Variants in TDRD9 observed in about 807,000 individuals in gnomAD.
The protein encoded by TDRD9 is tudor domain containing 9.
In TDRD9, 124 loss-of-function variants were observed where a neutral mutation model predicts 172.6. That is an observed-to-expected ratio of 0.72 (90% confidence interval 0.62 to 0.83). The LOEUF (loss-of-function observed/expected upper bound fraction) is 0.83. Among genes scored for constraint, TDRD9 ranks in the 40% least tolerant of loss-of-function variants. TDRD9 has a pLI of 0.00. For missense variants in TDRD9, 1,479 were observed against 1,714.1 expected (o/e 0.86, Z 2.42); for synonymous variants, 619 against 617.1 (o/e 1.00, Z -0.05).
rs528228424 is a variant in TDRD9 at position 103,975,981 on chromosome 14, G to T, written c.1011+428G>T. 2.6e-5 allele frequency among the ~76,000 whole-genome samples: 4 copies of T among 152,244 alleles called. 1 individual carries two copies. The South Asian group carries it at 8.3e-4, about 32-fold the overall frequency. ...TCATCTCTCTTTAAAAAGGACACTA[G>T]AAGTTATTTCTTATCTAGCTATAAT... On this transcript the variant is annotated intron_variant, in intron 7 of 35. Coordinates refer to ENST00000409874, the MANE Select transcript of TDRD9 (RefSeq NM_153046.3).
chr14:103,970,687 C>A, intron 6 of TDRD9, 66 bp downstream of exon 6: 1 of 1,311,436 alleles, frequency 7.6e-7, no homozygotes, highest in Non-Finnish European at 1.1e-6. Context: ...TTTTGTTTCT[C>A]TCTATAGTCT....
chr14:103,942,645 T>C (rs2031308399), intron 1 of TDRD9, among the ~76,000 whole-genome samples: 1 of 152,218 alleles, frequency 6.6e-6, no homozygotes, highest in South Asian at 2.1e-4. Context: ...AGCTTAACTT[T>C]CAGGCCATTT....
At chr14:103,943,641 G>A (rs992668362) in intron 1 of TDRD9, among the ~76,000 whole-genome samples, 5 of 151,728 alleles carry the variant, frequency 3.3e-5, no homozygotes, top group Admixed American at 2.0e-4. Context: ...GAGCCACTGC[G>A]CTGGCCTGTG....
At chr14:104,004,647 A>G (rs1221269432) in intron 14 of TDRD9, among the ~76,000 whole-genome samples, 1 of 151,990 alleles carries the variant, frequency 6.6e-6, no homozygotes, top group Non-Finnish European at 1.5e-5. Context: ...CAAAGTGTCA[A>G]AGTTAATTTT....
rs760430595 is a variant in TDRD9, at chr14:104,025,802, G to T, written c.2931+26G>T. 3.2e-6 allele frequency: 5 copies of T among 1,555,310 alleles called. No individual in the cohort carries two copies. In the South Asian group the frequency reaches 5.6e-5, roughly 17 times the overall value. ...GTAGGTTTTTCTGTAACAAGTCACTGGAAGGGAAATGAGACAGACAGACGT... is the reference window on the plus strand; with the variant it reads ...GTAGGTTTTTCTGTAACAAGTCACTTGAAGGGAAATGAGACAGACAGACGT... On this transcript the variant is annotated intron_variant, in intron 26 of 35. Transcript: ENST00000409874.
At chr14:103,983,943 T>C (rs982272775) in intron 7 of TDRD9, among the ~76,000 whole-genome samples, 3 of 152,146 alleles carry the variant, frequency 2.0e-5, no homozygotes, top group Non-Finnish European at 4.4e-5. Context: ...GAGGAACTTG[T>C]TGGGGACTGG....
At position 104,018,024 on chromosome 14, in the gene TDRD9, G is replaced by A. The variant is rs1307479001; in HGVS notation, c.2332-68G>A. On this transcript the variant is annotated intron_variant, in intron 22 of 35. Coordinates refer to ENST00000409874, the MANE Select transcript of TDRD9 (RefSeq NM_153046.3). ...CTAAAACAGTGTGCAGCAGCTTTGAGCTTGTGAATGTTGAAACTATTTTGT... is the reference window on the plus strand; with the variant it reads ...CTAAAACAGTGTGCAGCAGCTTTGAACTTGTGAATGTTGAAACTATTTTGT... The A allele has an allele frequency of 8.8e-6, 8 of 909,326 alleles. No individual in the cohort carries two copies. The East Asian group carries it at 1.8e-4, about 21-fold the overall frequency. The allele number at this position is 909,326 out of a possible 1,614,324, so 56.3% of individuals were successfully genotyped here. A position where few individuals can be genotyped will look rare whatever the true frequency, so the allele number is the denominator to read the frequency against.
intron 23 of TDRD9, among the ~76,000 whole-genome samples, chr14:104,019,818 G>T (rs1483901210): frequency 6.6e-6 from 1 of 152,200 alleles, no homozygotes; most frequent in African/African-American, 2.4e-5. Context: ...ACATTTGCCT[G>T]CTGTGAGATG....
intron 23 of TDRD9, among the ~76,000 whole-genome samples, chr14:104,018,785 G>A (rs2034868262): frequency 6.6e-6 from 1 of 152,120 alleles, no homozygotes; most frequent in African/African-American, 2.4e-5. Context: ...ATTTTTTCCA[G>A]TGTTCTGTGA....
chr14:103,994,881 G>A (rs1566767713), intron 11 of TDRD9, among the ~76,000 whole-genome samples: 1 of 151,010 alleles, frequency 6.6e-6, no homozygotes, highest in Non-Finnish European at 1.5e-5. Flanking sequence ...TGCCTGGGAG[G>A]TGGAGGCTGC....
intron 1 of TDRD9, among the ~76,000 whole-genome samples, chr14:103,953,375 C>T (rs967676052): frequency 6.7e-6 from 1 of 150,196 alleles, no homozygotes; most frequent in Non-Finnish European, 1.5e-5. Flanking sequence ...AAATGTCAGG[C>T]AAACAGTAAC....
rs2034185928 is a variant in TDRD9, at chr14:103,999,642, G to GTCATTTAATCTTTTAATCTTCTT, written c.1483+914_1483+915insTCATTTAATCTTTTAATCTTCTT. ...GGCTTTTTTTTTTGTTTGTTTTTTA[G>GTCATTTAATCTTTTAATCTTCTT]AAAACCTTTTGGGAAGGGTAGATAA... On this transcript the variant is annotated intron_variant, in intron 13 of 35. Coordinates refer to ENST00000409874, the MANE Select transcript of TDRD9 (RefSeq NM_153046.3). Among the ~76,000 whole-genome samples the GTCATTTAATCTTTTAATCTTCTT allele has an allele frequency of 1.6e-5, 2 of 125,956 alleles. 1 individual carries two copies. Among genetic ancestry groups the GTCATTTAATCTTTTAATCTTCTT allele is most frequent in the African/African-American group, 6.2e-5 (2 of 32,356 alleles). The allele number at this position is 125,956 out of a possible 152,430, so 82.6% of individuals were successfully genotyped here.
At chr14:104,012,341 T>A (rs961453773) in intron 20 of TDRD9, among the ~76,000 whole-genome samples, 1 of 152,246 alleles carries the variant, frequency 6.6e-6, no homozygotes, top group African/African-American at 2.4e-5. Flanking sequence ...TTCTCTGGAA[T>A]GTGCATGGTC....
chr14:103,957,172 C>T (rs1284111329), intron 2 of TDRD9, among the ~76,000 whole-genome samples: 1 of 152,164 alleles, frequency 6.6e-6, no homozygotes, highest in Non-Finnish European at 1.5e-5. Flanking sequence ...CCCACTCTTT[C>T]ATTTAGTTTT....
chr14:104,052,490 C>CAAAAAAACCATGTTTTTTG lies in TDRD9; in HGVS notation c.*408_*409insAAAAAAACCATGTTTTTTG. ...TTTAAACCAGTAGTATAGGAAAAAA[C>CAAAAAAACCATGTTTTTTG]TTAAAAAAACAAAAAAACCATGTAG... On this transcript the variant is annotated 3_prime_UTR_variant, in exon 36 of 36. Transcript: ENST00000409874. 3.8e-4 allele frequency: 6 copies of CAAAAAAACCATGTTTTTTG among 15,870 alleles called. No individual in the cohort carries two copies. The Middle Eastern group carries it at 0.25, about 661-fold the overall frequency. The allele number at this position is 15,870 out of a possible 1,614,324, so 1.0% of individuals were successfully genotyped here. A position where few individuals can be genotyped will look rare whatever the true frequency, so the allele number is the denominator to read the frequency against.
chr14:104,013,598 T>A (rs549095046), intron 20 of TDRD9: 1 of 152,358 alleles, frequency 6.6e-6, no homozygotes, highest in Non-Finnish European at 1.5e-5. Flanking sequence ...ATATTGTTCA[T>A]CCTTAACATT....
chr14:103,995,276 A>G (rs924565778), intron 11 of TDRD9, among the ~76,000 whole-genome samples: 3 of 152,142 alleles, frequency 2.0e-5, no homozygotes, highest in Non-Finnish European at 4.4e-5. Flanking sequence ...TGAATGATGG[A>G]GTTGTTTTAA....
intron 28 of TDRD9, among the ~76,000 whole-genome samples, chr14:104,030,880 A>G (rs1229127418): frequency 1.3e-5 from 2 of 152,200 alleles, no homozygotes; most frequent in Non-Finnish European, 2.9e-5. Context: ...CTAATGCTAA[A>G]TGACGAGTTA....
chr14:104,037,778 T>G (rs75429207), intron 32 of TDRD9, among the ~76,000 whole-genome samples: 3,470 of 152,294 alleles, frequency 0.023, 76 homozygotes, highest in East Asian at 0.07. Context: ...TGAGCCTTGG[T>G]GCCAGCTTTC....
Sources: gnomAD v4.1 joint callset for allele counts (sites outside exome capture counted in the v4.1 genomes callset) on GRCh38, gnomAD v4.1.1 for gene constraint, MANE v1.5 for transcripts, NCBI Gene and HGNC (gene_info 2026-07-23, HGNC 2026-07-21) for gene names.